Variants in MIEF1 observed in about 807,000 individuals in gnomAD.
MIEF1 encodes the protein mitochondrial dynamics protein MIEF1.
MIEF1 carries 14 observed loss-of-function variants against 35.1 expected under a neutral mutation model. The ratio of observed to expected loss-of-function variants is 0.40; its 90% CI spans 0.26 to 0.62. The LOEUF is 0.62. MIEF1 is among the 20% of genes least tolerant of loss of function. The pLI, the probability that MIEF1 is intolerant of heterozygous loss-of-function variation, is 0.43. For missense variants in MIEF1, 542 were observed against 615.4 expected, an observed-to-expected ratio of 0.88 and a Z score of 1.26; for synonymous variants, 245 against 254.3, an observed-to-expected ratio of 0.96 and a Z score of 0.35.
At chr22:39,506,150 C>T (rs1037268451) in intron 2 of MIEF1, among the ~76,000 whole-genome samples, 2 of 152,140 alleles carry the variant, frequency 1.3e-5, no homozygotes, top group Non-Finnish European at 2.9e-5. Flanking sequence ...GGGCTACACG[C>T]TGCTATCACT....
intron 1 of MIEF1, among the ~76,000 whole-genome samples, 170 bp downstream of exon 1, chr22:39,502,607 G>A (rs868297908): frequency 3.2e-4 from 48 of 152,042 alleles, no homozygotes; most frequent in African/African-American, 1.1e-3. Flanking sequence ...GAGACCCCTC[G>A]GCTGCCCCGC....
chr22:39,512,193 T>C (rs771041535), intron 4 of MIEF1, 39 bp from the exon 5 acceptor site: 1 of 1,597,838 alleles, frequency 6.3e-7, no homozygotes. Context: ...TGAGCAGGCA[T>C]GGGCAGAGCT....
chr22:39,516,742 G>T lies in MIEF1; in HGVS notation c.*2419G>T, dbSNP rs549890978. 1 of 152,238 alleles carries T rather than the reference G, an allele frequency of 6.6e-6. No homozygotes were observed. The highest frequency in any genetic ancestry group is 2.4e-5 in the African/African-American group (1 of 41,540). 9.4% of individuals were successfully genotyped at this position (152,238 alleles called of 1,614,324 possible). On this transcript the variant is annotated 3_prime_UTR_variant, in exon 6 of 6. Transcript: ENST00000325301. The stretch of plus-strand genomic sequence containing the variant: ...TGGAAGAAGAGCTTAAAAAAGATAA[G>T]ATTTTAAAGAGTCCCAAGTTATTTA...
At chr22:39,508,189 C>T (rs1277243152) in intron 2 of MIEF1, among the ~76,000 whole-genome samples, 5 of 152,218 alleles carry the variant, frequency 3.3e-5, no homozygotes, top group South Asian at 2.1e-4. Flanking sequence ...ATCCCCTTTT[C>T]GTAGCTGAGG....
At chr22:39,508,720 G>C (rs1930177788) in intron 2 of MIEF1, among the ~76,000 whole-genome samples, 1 of 152,154 alleles carries the variant, frequency 6.6e-6, no homozygotes, top group African/African-American at 2.4e-5. Context: ...TGGCGAAATA[G>C]TCTTTCATGT....
chr22:39,512,630 T>A, intron 5 of MIEF1, 136 bp downstream of exon 5: 2 of 1,192,016 alleles, frequency 1.7e-6, no homozygotes, highest in Non-Finnish European at 2.3e-6. Flanking sequence ...TCAGCAGCAT[T>A]TGGAGATCCA....
In MIEF1 at chr22:39,514,027, A is replaced by G. The variant is rs866567196; in HGVS notation, c.1096A>G (p.Ile366Val). 5.6e-6 allele frequency: 9 copies of G among 1,613,652 alleles called. No homozygotes were observed. The Middle Eastern group carries it at 1.3e-3, about 237-fold the overall frequency. ...GGGCTGCCGATCTCTGTGCCTCAAG[A>G]TCCTCAAGGCCATATGCAAGTCCAC... ...DSGCRSLCLK[I>V]LKAICKSTPA... The change falls in exon 6 of 6, where the codon ATC becomes GTC. Residue 366 changes from isoleucine to valine, a missense_variant. Coordinates refer to ENST00000325301, the MANE Select transcript of MIEF1 (RefSeq NM_019008.6).
Position 39,512,337 on chromosome 22 carries a change from A to G in MIEF1, c.428A>G (p.Tyr143Cys). The G allele has an allele frequency of 6.2e-7, 1 of 1,614,200 alleles. No individual in the cohort carries two copies. Among genetic ancestry groups the G allele is most frequent in the South Asian group, 1.1e-5 (1 of 91,090 alleles). ...CTGCAGGAGAAACTTCTTACTTACT[A>G]CCGGAACCGGGCAGCCATCCCTGCT... ...MSLQEKLLTYYRNRAAIPAGE... is the reference protein window; with the variant it reads ...MSLQEKLLTYCRNRAAIPAGE... Residue 143 changes from tyrosine to cysteine, a missense_variant, in exon 5 of 6, where the codon TAC becomes TGC. By Grantham distance (194) the Tyr-to-Cys change is radical (BLOSUM62 -2). Coordinates refer to ENST00000325301, the MANE Select transcript of MIEF1 (RefSeq NM_019008.6).
Position 39,515,249 on chromosome 22 carries a change from G to A in MIEF1, c.*926G>A, listed in dbSNP as rs1047420934. 7 of 716,480 alleles carry A rather than the reference G, an allele frequency of 9.8e-6. No individual in the cohort carries two copies. Among genetic ancestry groups the A allele is most frequent in the African/African-American group, 1.7e-5 (1 of 57,194 alleles). The allele number at this position is 716,480 out of a possible 1,614,324, so 44.4% of individuals were successfully genotyped here. A position where few individuals can be genotyped will look rare whatever the true frequency, so the allele number is the denominator to read the frequency against. On this transcript the variant is annotated 3_prime_UTR_variant, in exon 6 of 6. Coordinates refer to ENST00000325301, the MANE Select transcript of MIEF1 (RefSeq NM_019008.6). ...AATCAGGACAAGGCCTTGAAGGAAC[G>A]CAGCCTTAGACATCAGGTGAGGATG...
rs1466110142 is a variant in MIEF1 at position 39,513,937 on chromosome 22, C to A, written c.1006C>A (p.Leu336Met). Reference protein sequence around the residue: ...KPHRLAQYDNLWRLSLRPAET... With the variant: ...KPHRLAQYDNMWRLSLRPAET... Reference sequence around the variant, plus strand: ...ACACCGGCTAGCCCAGTATGACAACCTGTGGCGGCTGAGCCTGCGTCCCGC... The same window carrying A: ...ACACCGGCTAGCCCAGTATGACAACATGTGGCGGCTGAGCCTGCGTCCCGC... Residue 336 changes from leucine (L) to methionine (M), a missense_variant, in exon 6 of 6, where the codon CTG becomes ATG. Coordinates refer to ENST00000325301, the MANE Select transcript of MIEF1 (RefSeq NM_019008.6). 2 of 1,613,600 alleles carry A rather than the reference C, an allele frequency of 1.2e-6. No individual in the cohort carries two copies. Among genetic ancestry groups the A allele is most frequent in the Non-Finnish European group, 1.7e-6 (2 of 1,180,046 alleles).
rs1930700836 is a variant in MIEF1 at position 39,516,957 on chromosome 22, G to C, written c.*2634G>C. ...CTGGTGGGTTTGCTGACCATGACTGGGCAAGCCGTTCTTTTTGCTGCCATC... is the reference window on the plus strand; with the variant it reads ...CTGGTGGGTTTGCTGACCATGACTGCGCAAGCCGTTCTTTTTGCTGCCATC... On this transcript the variant is annotated 3_prime_UTR_variant, in exon 6 of 6. Coordinates refer to ENST00000325301, the MANE Select transcript of MIEF1 (RefSeq NM_019008.6). 1 of 152,288 alleles carries C rather than the reference G, an allele frequency of 6.6e-6. No homozygotes were observed. The highest frequency in any genetic ancestry group is 2.4e-5 in the African/African-American group (1 of 41,434). The allele number at this position is 152,288 out of a possible 1,614,324, so 9.4% of individuals were successfully genotyped here.
In MIEF1 at chr22:39,511,390, G is replaced by A. The variant is rs558721379; in HGVS notation, c.96G>A (p.Gly32=). 6.2e-7 allele frequency: 1 copy of A among 1,609,044 alleles called. No homozygotes were observed. The highest frequency in any genetic ancestry group is 8.5e-7 in the Non-Finnish European group (1 of 1,177,112). The part of the protein sequence containing the change: ...FVLSNARLVL[G]VGGAAMLGIA... ...TCTCCAATGCCCGGCTGGTGCTGGGGGTGGGTGGAGCGGCCATGCTGGGCA... is the reference window on the plus strand; with the variant it reads ...TCTCCAATGCCCGGCTGGTGCTGGGAGTGGGTGGAGCGGCCATGCTGGGCA... Residue 32 remains glycine (G), a synonymous_variant, in exon 3 of 6, where the codon GGG becomes GGA. Coordinates refer to ENST00000325301, the MANE Select transcript of MIEF1 (RefSeq NM_019008.6).
Position 39,513,579 on chromosome 22 carries a change from A to G in MIEF1, c.648A>G (p.Ser216=). 1 of 1,614,216 alleles carries G rather than the reference A, an allele frequency of 6.2e-7. No homozygotes were observed. Among genetic ancestry groups the G allele is most frequent in the Non-Finnish European group, 8.5e-7 (1 of 1,180,028 alleles). Residue 216 remains serine (S), a synonymous_variant, in exon 6 of 6, where the codon TCA becomes TCG. Transcript: ENST00000325301. ...TTGTGCTGGAGCAGAACCTGTGGTC[A>G]TGTATTCCTGGTGAAGACACCATCA... ...VPLVLEQNLW[S]CIPGEDTIMN...
rs778983712 is a variant in MIEF1 at position 39,512,402 on chromosome 22, T to A, written c.493T>A (p.Cys165Ser). Residue 165 changes from cysteine (C) to serine (S), a missense_variant, in exon 5 of 6, where the codon TGT becomes AGT. Physicochemically the swap from Cys to Ser is moderately radical, Grantham distance 112. Coordinates refer to ENST00000325301, the MANE Select transcript of MIEF1 (RefSeq NM_019008.6). Reference sequence around the variant, plus strand: ...GGCCAAGCAAGCTGCTGTGGACATATGTGCCGAGCTCCGGAGCTTCCTGCG... The same window carrying A: ...GGCCAAGCAAGCTGCTGTGGACATAAGTGCCGAGCTCCGGAGCTTCCTGCG... ...ARAKQAAVDI[C>S]AELRSFLRAK... 4.3e-6 allele frequency: 7 copies of A among 1,614,086 alleles called. No homozygotes were observed. The highest frequency in any genetic ancestry group is 5.9e-6 in the Non-Finnish European group (7 of 1,180,038).
intron 2 of MIEF1, among the ~76,000 whole-genome samples, chr22:39,510,640 G>A (rs1930279512): frequency 6.6e-6 from 1 of 152,218 alleles, no homozygotes; most frequent in South Asian, 2.1e-4. Context: ...GTGATGTGAT[G>A]GCATTAGATG....
At chr22:39,510,772 G>C (rs1010970441) in intron 2 of MIEF1, among the ~76,000 whole-genome samples, 1 of 151,986 alleles carries the variant, frequency 6.6e-6, no homozygotes, top group Non-Finnish European at 1.5e-5. Context: ...TCTGTGAAGG[G>C]GTAGAGAGAC....
chr22:39,509,441 C>T (rs1171899010), intron 2 of MIEF1: 1 of 152,314 alleles, frequency 6.6e-6, no homozygotes, highest in Non-Finnish European at 1.5e-5. Flanking sequence ...TCTAACTCCA[C>T]AGGAATGGGC....
Position 39,511,857 on chromosome 22 carries a change from T to G in MIEF1, c.153T>G (p.Asp51Glu). 1 of 1,612,396 alleles carries G rather than the reference T, an allele frequency of 6.2e-7. No homozygotes were observed. The highest frequency in any genetic ancestry group is 8.5e-7 in the Non-Finnish European group (1 of 1,178,928). ...CCTCTCTGCTATTTCAGATGTACGATCGGGCGATCAGTGCCCCTACCAGCC... is the reference window on the plus strand; with the variant it reads ...CCTCTCTGCTATTTCAGATGTACGAGCGGGCGATCAGTGCCCCTACCAGCC... ...IATLAVKRMY[D>E]RAISAPTSPT... Residue 51 changes from aspartate (D) to glutamate (E), a missense_variant, in exon 4 of 6, where the codon GAT (aspartate) becomes GAG (glutamate). Transcript: ENST00000325301.
In MIEF1 at chr22:39,514,547, C is replaced by G. The variant is rs1254347675; in HGVS notation, c.*224C>G. 3 of 571,588 alleles carry G rather than the reference C, an allele frequency of 5.2e-6. No homozygotes were observed. In the Admixed American group the frequency reaches 9.3e-5, roughly 18 times the overall value. 35.4% of individuals were successfully genotyped at this position (571,588 alleles called of 1,614,324 possible). ...CAATCACTGTGCTCTCTGCCGCCCC[C>G]TGGCTCCAGGCTAATTTTTCTGGAA... is the stretch of plus-strand genomic sequence containing the variant. On this transcript the variant is annotated 3_prime_UTR_variant, in exon 6 of 6. Transcript: ENST00000325301.
Sources: gnomAD v4.1 joint callset for allele counts (sites outside exome capture counted in the v4.1 genomes callset) on GRCh38, gnomAD v4.1.1 for gene constraint, MANE v1.5 for transcripts, NCBI Gene and HGNC (gene_info 2026-07-23, HGNC 2026-07-21) for gene names.